MGAT5B: variants seen among roughly 807,000 people sequenced by gnomAD.
The protein encoded by MGAT5B is N-acetylglucosaminyl-transferase Vb.
MGAT5B carries 54 observed loss-of-function variants against 95.1 expected under a neutral mutation model. The ratio of observed to expected loss-of-function variants is 0.57; its 90% confidence interval spans 0.46 to 0.71. The LOEUF (loss-of-function observed/expected upper bound fraction) is 0.71, where lower values mean the gene tolerates loss of function less well. Among genes scored for constraint, MGAT5B ranks in the 30% least tolerant of loss-of-function variants. The pLI, the probability that MGAT5B is intolerant of heterozygous loss-of-function variation, is 0.00. For missense variants in MGAT5B, 935 were observed against 1,088.6 expected (o/e 0.86, Z 1.99); for synonymous variants, 464 against 451.0 (o/e 1.03, Z -0.36).
chr17:76,910,339 G>A (rs1423332944), intron 8 of MGAT5B, among the ~76,000 whole-genome samples: 4 of 152,232 alleles, frequency 2.6e-5, no homozygotes, highest in African/African-American at 9.7e-5. Context: ...TGTCTGTGGA[G>A]CAGAACGCTG....
At chr17:76,932,256 T>C (rs1266178113) in intron 10 of MGAT5B, among the ~76,000 whole-genome samples, 32 of 151,764 alleles carry the variant, frequency 2.1e-4, no homozygotes, top group Non-Finnish European at 1.5e-5. Context: ...CCTCAGCCTC[T>C]CGAGTGTCTG....
At chr17:76,922,678 T>C (rs911097702) in intron 8 of MGAT5B, among the ~76,000 whole-genome samples, 9 of 152,232 alleles carry the variant, frequency 5.9e-5, no homozygotes, top group African/African-American at 2.2e-4. Flanking sequence ...GCCAAAAAGC[T>C]GAAGAGGCAG....
At chr17:76,903,966 A>C (rs1447981477) in intron 5 of MGAT5B, among the ~76,000 whole-genome samples, 1 of 152,224 alleles carries the variant, frequency 6.6e-6, no homozygotes, top group African/African-American at 2.4e-5. Context: ...AGAGGGAGAC[A>C]GCCAGGCCTC....
At chr17:76,892,065 GAGACA>G (rs1967888703) in intron 3 of MGAT5B, among the ~76,000 whole-genome samples, 1 of 152,216 alleles carries the variant, frequency 6.6e-6, no homozygotes, top group Non-Finnish European at 1.5e-5. Flanking sequence ...GTCTCTTTTT[GAGACA>G]GGGTCTCACT....
chr17:76,906,026 C>G lies in MGAT5B; in HGVS notation c.864C>G (p.Val288=), dbSNP rs774946265. The G allele has an allele frequency of 6.2e-7, 1 of 1,603,708 alleles. No homozygotes were observed. ...GTGTTCCGCCCACCCAGATCCTGGT[C>G]CACATCGGCTTCCTGACGGAGGAGT... ...ATQRDQKQIL[V]HIGFLTEESG... Residue 288 remains valine (V), a synonymous_variant, in exon 8 of 18, where the codon GTC becomes GTG. Transcript: ENST00000569840. The surrounding 1 kb of genome is among the most constrained non-coding windows in gnomAD (Gnocchi z 4.6).
chr17:76,928,937 C>A lies in MGAT5B; in HGVS notation c.1291+2207C>A, dbSNP rs533461494. ...CTGGAGTGCAGTGGCGCGACCTCGG[C>A]TCCCTGCAACCTCCACCTCCCGGGT... On this transcript the variant is annotated intron_variant, in intron 10 of 17. Transcript: ENST00000569840. Among the ~76,000 whole-genome samples, 4 of 151,736 alleles carry A rather than the reference C, an allele frequency of 2.6e-5. No individual in the cohort carries two copies. In the South Asian group the frequency reaches 8.4e-4, roughly 32 times the overall value.
rs974196147 is a variant in MGAT5B, at chr17:76,870,259, A to T, written c.68+1162A>T. On this transcript the variant is annotated intron_variant, in intron 1 of 17. Transcript: ENST00000569840. This position sits in a 1 kb window ranked among gnomAD's most constrained non-coding sequence, Gnocchi z 5.0. ...CACACCGGGCCTGTCTGCTGGGCCG[A>T]GGAGGCAACCCCAGGGGACGGCAGG... Among the ~76,000 whole-genome samples, 2 of 152,068 alleles carry T rather than the reference A, an allele frequency of 1.3e-5. No individual in the cohort carries two copies. Among genetic ancestry groups the T allele is most frequent in the Admixed American group, 6.5e-5 (1 of 15,282 alleles).
rs1968884955 is a variant in MGAT5B, at chr17:76,915,249, A to G, written c.1025+9062A>G. Among the ~76,000 whole-genome samples the G allele has an allele frequency of 6.8e-6, 1 of 147,274 alleles. No homozygotes were observed. Among genetic ancestry groups the G allele is most frequent in the Non-Finnish European group, 1.5e-5 (1 of 66,682 alleles). On this transcript the variant is annotated intron_variant, in intron 8 of 17. Transcript: ENST00000569840. This position sits in a 1 kb window ranked among gnomAD's most constrained non-coding sequence, Gnocchi z 8.7. ...GGCAGTGGCTTCAGGGGAGGGTCCC[A>G]GGAGGAGGGACAGGGACAGCTCTTC...
At chr17:76,932,829 G>C in intron 11 of MGAT5B, 54 bp downstream of exon 11, 4 of 1,596,854 alleles carry the variant, frequency 2.5e-6, no homozygotes, top group Non-Finnish European at 3.4e-6. Context: ...ACAGGCCCCC[G>C]CCTGGGTCCC....
chr17:76,913,645 T>A, intron 8 of MGAT5B: 1 of 499,104 alleles, frequency 2.0e-6, no homozygotes, highest in Non-Finnish European at 4.0e-6. Flanking sequence ...TTGGGAAATA[T>A]CAACACAGAA....
rs374366379 is a variant in MGAT5B at position 76,882,275 on chromosome 17, C to G, written c.306C>G (p.Gly102=). Residue 102 remains glycine (G), a synonymous_variant, in exon 3 of 18, where the codon GGC becomes GGG. Transcript: ENST00000569840. ...ENSSELHRAG[G]DLHFPADRMP... is the part of the protein sequence containing the mutation. ...GCAGTGAGCTGCACCGGGCCGGCGGCGACCTGCACTTTCCCGCAGACAGGT... is the reference window on the plus strand; with the variant it reads ...GCAGTGAGCTGCACCGGGCCGGCGGGGACCTGCACTTTCCCGCAGACAGGT... 2 of 1,612,242 alleles carry G rather than the reference C, an allele frequency of 1.2e-6. No individual in the cohort carries two copies. The highest frequency in any genetic ancestry group is 2.7e-5 in the African/African-American group (2 of 74,928).
chr17:76,935,610 T>G (rs1053064147), intron 12 of MGAT5B, among the ~76,000 whole-genome samples: 8 of 149,818 alleles, frequency 5.3e-5, no homozygotes, highest in African/African-American at 1.7e-4. Context: ...TATATCTTTT[T>G]TTTTTTTTTT....
chr17:76,903,084 G>C (rs373218962), intron 4 of MGAT5B, among the ~76,000 whole-genome samples: 1 of 152,160 alleles, frequency 6.6e-6, no homozygotes, highest in African/African-American at 2.4e-5. Flanking sequence ...GCTGCTGAGT[G>C]GCTGTTCGCA....
In MGAT5B at chr17:76,874,174, T is replaced by A. The variant is rs534381769; in HGVS notation, c.181+1211T>A. Reference sequence around the variant, plus strand: ...CCTCAATCTCTGAGCCTCCAAATTTTCCTCTGGTAAATGGGGATGGTAATA... The same window carrying A: ...CCTCAATCTCTGAGCCTCCAAATTTACCTCTGGTAAATGGGGATGGTAATA... On this transcript the variant is annotated intron_variant, in intron 2 of 17. Coordinates refer to ENST00000569840, the MANE Select transcript of MGAT5B (RefSeq NM_001199172.2). 3.9e-5 allele frequency among the ~76,000 whole-genome samples: 6 copies of A among 152,238 alleles called. No individual in the cohort carries two copies. In the South Asian group the frequency reaches 1.2e-3, roughly 32 times the overall value.
At chr17:76,887,493 CCCTT>C (rs1469721702) in intron 3 of MGAT5B, among the ~76,000 whole-genome samples, 4 of 97,134 alleles carry the variant, frequency 4.1e-5, no homozygotes, top group Non-Finnish European at 6.0e-5. Flanking sequence ...CTCCCTCCCT[CCCTT>C]CCTCTCTCCC....
At chr17:76,873,801 G>T (rs1005965270) in intron 2 of MGAT5B, among the ~76,000 whole-genome samples, 2 of 152,214 alleles carry the variant, frequency 1.3e-5, no homozygotes, top group East Asian at 3.8e-4. Flanking sequence ...GGAAACTGAG[G>T]CAAGTAGGTT....
chr17:76,888,149 TA>T (rs1480454797), intron 3 of MGAT5B, among the ~76,000 whole-genome samples: 2 of 152,170 alleles, frequency 1.3e-5, no homozygotes, highest in African/African-American at 4.8e-5. Context: ...TTTATGTATT[TA>T]TTTTTTTGTT....
At chr17:76,932,908 T>C in intron 11 of MGAT5B, 133 bp downstream of exon 11, 2 of 1,382,576 alleles carry the variant, frequency 1.4e-6, no homozygotes, top group South Asian at 1.4e-5. Flanking sequence ...ATGTCTCCCA[T>C]GAACCAGTTC....
In MGAT5B at chr17:76,949,217, G is replaced by A. The variant is rs1970130019; in HGVS notation, c.*379G>A. ...CAGTCGTTCTTGGGCCCAGGATGGG[G>A]CCTCTAGACTTGCAAGGGAGAGGAA... On this transcript the variant is annotated 3_prime_UTR_variant, in exon 18 of 18. Transcript: ENST00000569840. 4.3e-6 allele frequency: 1 copy of A among 231,116 alleles called. No individual in the cohort carries two copies. Among genetic ancestry groups the A allele is most frequent in the Admixed American group, 5.2e-5 (1 of 19,372 alleles). 14.3% of individuals were successfully genotyped at this position (231,116 alleles called of 1,614,324 possible).
Sources: allele counts gnomAD v4.1 joint callset (sites outside exome capture counted in the v4.1 genomes callset), GRCh38; gene constraint gnomAD v4.1.1; non-coding constraint Gnocchi (gnomAD v3.1); transcripts MANE v1.5; gene names NCBI Gene and HGNC (gene_info 2026-07-23, HGNC 2026-07-21).